Variants in GPRIN3 observed in about 807,000 individuals in gnomAD.
The protein encoded by GPRIN3 is G protein-regulated inducer of neurite outgrowth 3.
Under a neutral mutation model 13.7 loss-of-function variants are expected in GPRIN3, and 12 were observed. That is an observed-to-expected ratio of 0.87 (90% CI 0.56 to 1.42). The LOEUF (loss-of-function observed/expected upper bound fraction) is 1.42. Ranked by LOEUF, GPRIN3 falls within the 40% of genes most tolerant of loss-of-function variation. The probability of loss-of-function intolerance (pLI) is 0.00; values close to 1 mark genes in which losing one functional copy is unlikely to be tolerated. For synonymous variants in GPRIN3, 377 were observed against 372.7 expected, an observed-to-expected ratio of 1.01 and a Z score of -0.13; for missense variants, 1,009 against 958.7, an observed-to-expected ratio of 1.05 and a Z score of -0.69.
intron 1 of GPRIN3, among the ~76,000 whole-genome samples, chr4:89,302,454 A>T (rs1399265910): frequency 1.3e-5 from 2 of 152,180 alleles, no homozygotes; most frequent in Non-Finnish European, 2.9e-5. Flanking sequence ...AAAAATACAG[A>T]TTTCTAAGCC....
intron 1 of GPRIN3, among the ~76,000 whole-genome samples, chr4:89,276,246 ACTTCT>A (rs1260433462): frequency 1.4e-4 from 21 of 152,180 alleles, no homozygotes; most frequent in South Asian, 8.3e-4. Flanking sequence ...TATAATTTTT[ACTTCT>A]CTTCTTATTT....
chr4:89,279,134 T>C (rs1266986490), intron 1 of GPRIN3, among the ~76,000 whole-genome samples: 1 of 152,072 alleles, frequency 6.6e-6, no homozygotes, highest in African/African-American at 2.4e-5. Context: ...AAGAAAACAG[T>C]GAATTTGGGG....
rs146149117 is a variant in GPRIN3, at chr4:89,284,514, A to G, written c.-124+23101T>C. On this transcript the variant is annotated intron_variant, in intron 1 of 1. Transcript: ENST00000609438. ...ACACCTTCCTCTAGGATTGTTGTGC[A>G]TTCTTAGAAGAGAGTTTTGCACACA... Among the ~76,000 whole-genome samples the G allele has an allele frequency of 2.5e-3, 378 of 152,324 alleles. 2 individuals are homozygous for G. In the Middle Eastern group the frequency reaches 0.037, roughly 15 times the overall value.
At position 89,244,923 on chromosome 4, in the gene GPRIN3, A is replaced by G. The variant is rs1279073793; in HGVS notation, c.*2857T>C. On this transcript the variant is annotated 3_prime_UTR_variant, in exon 2 of 2. Transcript: ENST00000609438. ...GAGAAATGAAGGGTAAAACCAAACA[A>G]CTTTCAACCCAATGTGTGTCATGCA... 7 of 152,218 alleles carry G rather than the reference A, an allele frequency of 4.6e-5. No individual in the cohort carries two copies. The highest frequency in any genetic ancestry group is 1.0e-4 in the Non-Finnish European group (7 of 68,040). 9.4% of individuals were successfully genotyped at this position (152,218 alleles called of 1,614,324 possible).
Position 89,270,602 on chromosome 4 carries a change from A to AATAT in GPRIN3, c.-123-20370_-123-20369insATAT, listed in dbSNP as rs56868953. On this transcript the variant is annotated intron_variant, in intron 1 of 1. Transcript: ENST00000609438. ...ATATATATATATATATATATATATA[A>AATAT]AATATAGATATATATGCAGCCTCAA... Among the ~76,000 whole-genome samples the AATAT allele has an allele frequency of 8.8e-3, 487 of 55,578 alleles. 8 individuals carry two copies. The highest frequency in any genetic ancestry group is 0.045 in the African/African-American group (459 of 10,142). 36.5% of individuals were successfully genotyped at this position (55,578 alleles called of 152,430 possible). A position where few individuals can be genotyped will look rare whatever the true frequency, so the allele number is the denominator to read the frequency against.
chr4:89,260,098 C>T (rs567667712), intron 1 of GPRIN3, among the ~76,000 whole-genome samples: 10 of 152,298 alleles, frequency 6.6e-5, no homozygotes, highest in African/African-American at 2.2e-4. Flanking sequence ...TGAGCCACCA[C>T]GCCTGGCCCT....
chr4:89,287,793 G>T (rs770830650), intron 1 of GPRIN3, among the ~76,000 whole-genome samples: 1 of 152,158 alleles, frequency 6.6e-6, no homozygotes, highest in Non-Finnish European at 1.5e-5. Context: ...AGAGAAGAGA[G>T]AAATGTTGGG....
chr4:89,288,556 G>A (rs981854061), intron 1 of GPRIN3, among the ~76,000 whole-genome samples: 46 of 152,188 alleles, frequency 3.0e-4, no homozygotes, highest in African/African-American at 1.1e-3. Flanking sequence ...ACCTTGATAG[G>A]ATTCAACTTT....
chr4:89,264,194 A>AT (rs1185291170), intron 1 of GPRIN3, among the ~76,000 whole-genome samples: 2 of 152,118 alleles, frequency 1.3e-5, no homozygotes, highest in Non-Finnish European at 2.9e-5. Flanking sequence ...CTTGTGAATA[A>AT]TGTCTTCCCT....
chr4:89,270,727 G>A (rs960908190), intron 1 of GPRIN3, among the ~76,000 whole-genome samples: 1 of 151,182 alleles, frequency 6.6e-6, no homozygotes, highest in South Asian at 2.1e-4. Flanking sequence ...TTTGAAGAGA[G>A]GAGGTTTCAC....
chr4:89,266,566 T>C (rs1382614820), intron 1 of GPRIN3, among the ~76,000 whole-genome samples: 1 of 152,254 alleles, frequency 6.6e-6, no homozygotes, highest in African/African-American at 2.4e-5. Context: ...AAAGGTGGGT[T>C]GCTAAAACCA....
At chr4:89,298,860 T>C (rs934066275) in intron 1 of GPRIN3, among the ~76,000 whole-genome samples, 2 of 151,940 alleles carry the variant, frequency 1.3e-5, no homozygotes, top group Non-Finnish European at 2.9e-5. Flanking sequence ...GCTGACATGC[T>C]CTCAATCCAG....
chr4:89,300,739 T>C (rs1724873043), intron 1 of GPRIN3, among the ~76,000 whole-genome samples: 1 of 152,144 alleles, frequency 6.6e-6, no homozygotes, highest in Non-Finnish European at 1.5e-5. Flanking sequence ...CTGACAATGA[T>C]AGACTTCTGC....
In GPRIN3 at chr4:89,243,994, A is replaced by G. The variant is rs572451252; in HGVS notation, c.*3786T>C. 6.6e-6 allele frequency: 1 copy of G among 152,330 alleles called. No individual in the cohort carries two copies. Among genetic ancestry groups the G allele is most frequent in the African/African-American group, 2.4e-5 (1 of 41,578 alleles). 9.4% of individuals were successfully genotyped at this position (152,330 alleles called of 1,614,324 possible). On this transcript the variant is annotated 3_prime_UTR_variant, in exon 2 of 2. Coordinates refer to ENST00000609438, the MANE Select transcript of GPRIN3 (RefSeq NM_198281.3). ...TAACAAAGTGGATGCAGAAAAGGACAAACAATTTATATTAACAGCACACTT... is the reference window on the plus strand; with the variant it reads ...TAACAAAGTGGATGCAGAAAAGGACGAACAATTTATATTAACAGCACACTT...
At chr4:89,303,775 A>G (rs1421128687) in intron 1 of GPRIN3, among the ~76,000 whole-genome samples, 1 of 149,188 alleles carries the variant, frequency 6.7e-6, no homozygotes, top group Admixed American at 6.7e-5. Flanking sequence ...ATATATAAAA[A>G]ATATAAAATA....
At chr4:89,304,586 T>G (rs1026312271) in intron 1 of GPRIN3, among the ~76,000 whole-genome samples, 1 of 152,206 alleles carries the variant, frequency 6.6e-6, no homozygotes, top group African/African-American at 2.4e-5. Flanking sequence ...ATGGGATTAC[T>G]GTAACTATTT....
Position 89,249,302 on chromosome 4 carries a change from A to AG in GPRIN3, c.808dup (p.Leu270ProfsTer3), listed in dbSNP as rs765449217. On this transcript the variant is annotated frameshift_variant, in exon 2 of 2. Transcript: ENST00000609438. LOFTEE classifies it low-confidence loss of function (END_TRUNC). Reference sequence around the variant, plus strand: ...GGGACATGCCGAAGGTTCGCTAGTGAGGGGGGTTGGTTGAGGTGTCACAGA... The same window carrying AG: ...GGGACATGCCGAAGGTTCGCTAGTGAGGGGGGGTTGGTTGAGGTGTCACAGA... The AG allele has an allele frequency of 6.2e-7, 1 of 1,613,800 alleles. No homozygotes were observed. Among genetic ancestry groups the AG allele is most frequent in the Non-Finnish European group, 8.5e-7 (1 of 1,179,974 alleles).
At chr4:89,262,913 A>T (rs1039030383) in intron 1 of GPRIN3, among the ~76,000 whole-genome samples, 1 of 152,220 alleles carries the variant, frequency 6.6e-6, no homozygotes, top group African/African-American at 2.4e-5. Context: ...ATGACCTAAG[A>T]CAAACAACTA....
Position 89,253,043 on chromosome 4 carries a change from A to AGGTT in GPRIN3, c.-123-2814_-123-2811dup, listed in dbSNP as rs530999796. On this transcript the variant is annotated intron_variant, in intron 1 of 1. Coordinates refer to ENST00000609438, the MANE Select transcript of GPRIN3 (RefSeq NM_198281.3). ...AAAAAAAAAAAAAAACAACTCCTAC[A>AGGTT]GGTTGGTTGGTCGTCTGTGTCCTTT... Among the ~76,000 whole-genome samples the AGGTT allele has an allele frequency of 4.3e-3, 642 of 150,548 alleles. 4 individuals are homozygous for AGGTT. The highest frequency in any genetic ancestry group is 0.02 in the South Asian group (96 of 4,728).
Sources: allele counts gnomAD v4.1 joint callset (sites outside exome capture counted in the v4.1 genomes callset), GRCh38; gene constraint gnomAD v4.1.1; transcripts MANE v1.5; gene names NCBI Gene and HGNC (gene_info 2026-07-23, HGNC 2026-07-21).